The following SAMMSON variants were observed in gnomAD, a reference collection of about 807,000 sequenced individuals.
SAMMSON encodes the protein long intergenic non-protein coding RNA 1212.
chr3:70,150,857 C>T (rs940717463), intron 4 of SAMMSON, among the ~76,000 whole-genome samples: 5 of 151,978 alleles, frequency 3.3e-5, no homozygotes, highest in African/African-American at 1.2e-4. Context: ...CTGCCATCCC[C>T]TTAAAGGCTA....
rs563421261 is a variant in SAMMSON at position 70,373,770 on chromosome 3, T to G, written n.913+15446T>G. Reference sequence around the variant, plus strand: ...TATTTACTGAGTTTTTAAATTTTAGTTATTCTGTTTTTCAGTTTAAAATTT... The same window carrying G: ...TATTTACTGAGTTTTTAAATTTTAGGTATTCTGTTTTTCAGTTTAAAATTT... On this transcript the variant is annotated intron_variant and non_coding_transcript_variant, in intron 9 of 9. Coordinates refer to ENST00000642114, the Ensembl canonical transcript of SAMMSON. Among the ~76,000 whole-genome samples the G allele has an allele frequency of 4.6e-5, 7 of 152,330 alleles. No individual in the cohort carries two copies. In the South Asian group the frequency reaches 1.4e-3, roughly 32 times the overall value.
chr3:70,395,331 C>CTTTTTTTTTTTTT (rs71126501), intron 2 of SAMMSON, among the ~76,000 whole-genome samples: 8 of 113,618 alleles, frequency 7.0e-5, no homozygotes, highest in East Asian at 3.0e-4. Context: ...CTCTCTCTCT[C>CTTTTTTTTTTTTT]TTTTTTTTTT....
chr3:70,096,669 A>T (rs989030180), intron 4 of SAMMSON, among the ~76,000 whole-genome samples: 8 of 152,200 alleles, frequency 5.3e-5, no homozygotes, highest in African/African-American at 1.7e-4. Flanking sequence ...AGGATACTAC[A>T]CAAGGCCATA....
chr3:70,420,518 A>G (rs946974628), intron 2 of SAMMSON, among the ~76,000 whole-genome samples: 5 of 152,230 alleles, frequency 3.3e-5, no homozygotes, highest in African/African-American at 4.8e-5. Flanking sequence ...GTTGAGTATA[A>G]TATGCACTTA....
intron 2 of SAMMSON, among the ~76,000 whole-genome samples, chr3:70,411,106 T>C (rs537614140): frequency 1.3e-5 from 2 of 152,306 alleles, no homozygotes; most frequent in East Asian, 3.9e-4. Flanking sequence ...ATCATTGATC[T>C]ACGTAAAATA....
intron 4 of SAMMSON, among the ~76,000 whole-genome samples, chr3:70,078,753 C>G (rs998454675): frequency 1.3e-5 from 2 of 152,146 alleles, no homozygotes; most frequent in African/African-American, 4.8e-5. Flanking sequence ...TACAGGCACC[C>G]ATGGCACAAA....
At chr3:70,431,387 A>G (rs1701411199) in intron 2 of SAMMSON, among the ~76,000 whole-genome samples, 1 of 152,000 alleles carries the variant, frequency 6.6e-6, no homozygotes, top group South Asian at 2.1e-4. Context: ...ACACTTTAGA[A>G]CACTGCATGG....
chr3:70,049,887 C>G (rs1313286544), intron 3 of SAMMSON, among the ~76,000 whole-genome samples: 3 of 151,968 alleles, frequency 2.0e-5, no homozygotes, highest in Non-Finnish European at 2.9e-5. Flanking sequence ...TGTTTTTACC[C>G]CAGCTGAAAA....
chr3:70,130,559 G>A (rs1370496897), intron 4 of SAMMSON, among the ~76,000 whole-genome samples: 1 of 152,136 alleles, frequency 6.6e-6, no homozygotes, highest in Non-Finnish European at 1.5e-5. Context: ...ATGCAATGGA[G>A]GTGGCACTGG....
At chr3:70,347,119 C>A (rs1480744913) in intron 7 of SAMMSON, among the ~76,000 whole-genome samples, 1 of 152,100 alleles carries the variant, frequency 6.6e-6, no homozygotes. Flanking sequence ...CTGCAATGTA[C>A]GGAAATCAAT....
intron 4 of SAMMSON, among the ~76,000 whole-genome samples, chr3:70,162,427 C>T (rs766270753): frequency 5.3e-5 from 8 of 151,692 alleles, no homozygotes; most frequent in Non-Finnish European, 7.4e-5. Flanking sequence ...GTTTAATTTC[C>T]AAATGTTTGT....
intron 6 of SAMMSON, among the ~76,000 whole-genome samples, chr3:70,273,437 A>G (rs1701993906): frequency 6.6e-6 from 1 of 152,198 alleles, no homozygotes; most frequent in Admixed American, 6.5e-5. Context: ...TCTCTCCAGG[A>G]GTATTTTGGG....
chr3:70,428,429 C>T (rs1701389126), intron 2 of SAMMSON, among the ~76,000 whole-genome samples: 1 of 152,140 alleles, frequency 6.6e-6, no homozygotes, highest in South Asian at 2.1e-4. Flanking sequence ...AATACATGCA[C>T]ATTTAGATAA....
At chr3:70,214,290 G>A (rs947993452) in intron 4 of SAMMSON, among the ~76,000 whole-genome samples, 3 of 152,032 alleles carry the variant, frequency 2.0e-5, no homozygotes, top group South Asian at 2.1e-4. Context: ...AGTCACAGTC[G>A]TATAAATCGT....
At chr3:70,124,072 A>G (rs938092279) in intron 4 of SAMMSON, among the ~76,000 whole-genome samples, 2 of 152,012 alleles carry the variant, frequency 1.3e-5, no homozygotes, top group African/African-American at 4.8e-5. Flanking sequence ...GGAAGTCACA[A>G]TCTCTCCTGG....
chr3:70,433,554 C>T (rs905159320), intron 2 of SAMMSON, among the ~76,000 whole-genome samples: 2 of 151,914 alleles, frequency 1.3e-5, no homozygotes, highest in African/African-American at 4.8e-5. Context: ...ATTTTGGATA[C>T]TTGTCCTTTA....
At chr3:70,125,770 C>T (rs1441634480) in intron 4 of SAMMSON, 2 of 655,148 alleles carry the variant, frequency 3.1e-6, no homozygotes, top group Non-Finnish European at 5.5e-6. Context: ...CTTTATTTTT[C>T]TCTTTTTTCT....
At chr3:70,195,152 C>T (rs1265094052) in intron 4 of SAMMSON, among the ~76,000 whole-genome samples, 1 of 152,256 alleles carries the variant, frequency 6.6e-6, no homozygotes, top group East Asian at 1.9e-4. Context: ...CTCTTTTCCC[C>T]TGTGAAATAT....
intron 2 of SAMMSON, among the ~76,000 whole-genome samples, chr3:70,421,668 A>C (rs1701314474): frequency 6.6e-6 from 1 of 152,136 alleles, no homozygotes; most frequent in Non-Finnish European, 1.5e-5. Context: ...TTATCTCCAC[A>C]GTAGGAATAA....
Sources: allele counts gnomAD v4.1 joint callset (sites outside exome capture counted in the v4.1 genomes callset), GRCh38; gene constraint gnomAD v4.1.1; transcripts MANE v1.5; gene names NCBI Gene and HGNC (gene_info 2026-07-23, HGNC 2026-07-21).